Variants in GRIK1 observed in about 807,000 individuals in gnomAD.
The protein encoded by GRIK1 is glutamate receptor ionotropic, kainate 1.
Under a neutral mutation model 105.7 loss-of-function variants are expected in GRIK1, and 69 were observed. That is an observed-to-expected ratio of 0.65 (90% CI 0.54 to 0.80). The LOEUF (loss-of-function observed/expected upper bound fraction) is 0.80, where lower values mean the gene tolerates loss of function less well. Among genes scored for constraint, GRIK1 ranks in the 30% least tolerant of loss-of-function variants. The pLI is 0.00. For synonymous variants in GRIK1, 438 were observed against 431.3 expected (o/e 1.02, Z -0.19); for missense variants, 1,109 against 1,167.3 (o/e 0.95, Z 0.73).
intron 14 of GRIK1, among the ~76,000 whole-genome samples, chr21:29,575,935 G>C (rs1163819809): frequency 6.6e-6 from 1 of 152,088 alleles, no homozygotes; most frequent in Non-Finnish European, 1.5e-5. Context: ...TCCATTTTTG[G>C]TAATCTGAAT....
chr21:29,643,213 C>T (rs1394802978), intron 6 of GRIK1, among the ~76,000 whole-genome samples: 2 of 152,012 alleles, frequency 1.3e-5, no homozygotes, highest in African/African-American at 4.8e-5. Context: ...ATAAAGCAAC[C>T]CAGATCAGCC....
At chr21:29,771,996 G>A (rs2065825337) in intron 1 of GRIK1, among the ~76,000 whole-genome samples, 1 of 152,310 alleles carries the variant, frequency 6.6e-6, no homozygotes, top group East Asian at 1.9e-4. Flanking sequence ...TCCCCCAGTT[G>A]TTTGAATACC....
intron 12 of GRIK1, among the ~76,000 whole-genome samples, chr21:29,584,238 C>G (rs1326732199): frequency 6.6e-6 from 1 of 152,096 alleles, no homozygotes; most frequent in Non-Finnish European, 1.5e-5. Flanking sequence ...GGAGAATGCT[C>G]TATTGAACTT....
chr21:29,836,742 A>C (rs2067818542), intron 1 of GRIK1, among the ~76,000 whole-genome samples: 2 of 152,248 alleles, frequency 1.3e-5, no homozygotes, highest in Admixed American at 1.3e-4. Context: ...GACAAATATT[A>C]CATTAAATTC....
chr21:29,579,983 G>GTATA (rs1374699083), intron 13 of GRIK1, among the ~76,000 whole-genome samples: 1 of 137,382 alleles, frequency 7.3e-6, no homozygotes, highest in African/African-American at 2.8e-5. Flanking sequence ...ATATATATAT[G>GTATA]TGTGTATATA....
In GRIK1 at chr21:29,930,479, T is replaced by A. The variant is rs151281528; in HGVS notation, c.118+8904A>T. 2.7e-3 allele frequency among the ~76,000 whole-genome samples: 418 copies of A among 152,336 alleles called. 4 individuals carry two copies. The highest frequency in any genetic ancestry group is 9.8e-3 in the African/African-American group (407 of 41,584). On this transcript the variant is annotated intron_variant, in intron 1 of 17. Coordinates refer to ENST00000327783, the MANE Select transcript of GRIK1 (RefSeq NM_001330994.2). Reference sequence around the variant, plus strand: ...CCCAATCTGCATTATGAAGTGTTTTTTTCCCCCTCTGGGAATTAAGTATTG... The same window carrying A: ...CCCAATCTGCATTATGAAGTGTTTTATTCCCCCTCTGGGAATTAAGTATTG...
chr21:29,835,889 A>C (rs758652160), intron 1 of GRIK1, among the ~76,000 whole-genome samples: 1 of 152,200 alleles, frequency 6.6e-6, no homozygotes, highest in South Asian at 2.1e-4. Flanking sequence ...TGATTAGATA[A>C]TTCCGGCTTA....
intron 1 of GRIK1, among the ~76,000 whole-genome samples, chr21:29,723,180 A>G (rs2064364886): frequency 1.3e-5 from 2 of 152,352 alleles, no homozygotes; most frequent in South Asian, 4.1e-4. Context: ...GCTAAAATTT[A>G]TAGTTTGGAA....
At chr21:29,810,116 G>A (rs941045415) in intron 1 of GRIK1, among the ~76,000 whole-genome samples, 1 of 151,986 alleles carries the variant, frequency 6.6e-6, no homozygotes, top group Non-Finnish European at 1.5e-5. Context: ...TTGCCAACAT[G>A]GTGAAACCCC....
intron 1 of GRIK1, among the ~76,000 whole-genome samples, chr21:29,887,640 C>T (rs2146205940): frequency 6.6e-6 from 1 of 152,238 alleles, no homozygotes; most frequent in East Asian, 1.9e-4. Flanking sequence ...TAAGGGGTTG[C>T]TTGCTTGGGT....
intron 1 of GRIK1, among the ~76,000 whole-genome samples, chr21:29,759,642 A>T (rs1427623958): frequency 6.6e-6 from 1 of 152,230 alleles, no homozygotes; most frequent in Non-Finnish European, 1.5e-5. Context: ...GGGAGAACAG[A>T]AGTCAGAAAC....
chr21:29,684,765 C>G (rs1215099313), intron 3 of GRIK1, among the ~76,000 whole-genome samples: 1 of 152,102 alleles, frequency 6.6e-6, no homozygotes, highest in Non-Finnish European at 1.5e-5. Context: ...CTGCCTTGGC[C>G]TTCCAAAGTG....
At chr21:29,651,722 T>G (rs1412679884) in intron 5 of GRIK1, among the ~76,000 whole-genome samples, 2 of 152,082 alleles carry the variant, frequency 1.3e-5, no homozygotes, top group African/African-American at 4.8e-5. Flanking sequence ...GTATTGTGCC[T>G]AATTTATCAA....
intron 7 of GRIK1, among the ~76,000 whole-genome samples, chr21:29,606,700 A>G (rs949775049): frequency 6.6e-6 from 1 of 151,706 alleles, no homozygotes; most frequent in Non-Finnish European, 1.5e-5. Context: ...CAAAACAAAA[A>G]AAACAAAAAA....
intron 1 of GRIK1, among the ~76,000 whole-genome samples, chr21:29,849,279 A>C (rs189570022): frequency 1.1e-4 from 17 of 152,348 alleles, no homozygotes; most frequent in African/African-American, 3.8e-4. Flanking sequence ...TGAGATTAAT[A>C]AATGTTTGCT....
chr21:29,560,278 G>GTTT (rs200019884), intron 15 of GRIK1, among the ~76,000 whole-genome samples: 3 of 124,500 alleles, frequency 2.4e-5, no homozygotes, highest in African/African-American at 9.0e-5. Context: ...ATATGATACA[G>GTTT]TTTTCTTTCT....
chr21:29,664,369 C>G (rs2146611497), intron 4 of GRIK1, among the ~76,000 whole-genome samples: 1 of 152,250 alleles, frequency 6.6e-6, no homozygotes, highest in African/African-American at 2.4e-5. Context: ...ATGATAATCT[C>G]TAAGTGGAAT....
rs147628012 is a variant in GRIK1, at chr21:29,716,136, C to T, written c.119-22073G>A. On this transcript the variant is annotated intron_variant, in intron 1 of 17. Coordinates refer to ENST00000327783, the MANE Select transcript of GRIK1 (RefSeq NM_001330994.2). ...TGTGAAGAAGGACATGTTTGCTTCC[C>T]CTTCCACCATGATTGTAAGTTTCCT... Among the ~76,000 whole-genome samples, 1,093 of 152,212 alleles carry T rather than the reference C, an allele frequency of 7.2e-3. 16 individuals are homozygous for T. The highest frequency in any genetic ancestry group is 0.025 in the African/African-American group (1,038 of 41,516).
intron 1 of GRIK1, among the ~76,000 whole-genome samples, chr21:29,867,936 A>AAGAG (rs779607832): frequency 9.0e-6 from 1 of 110,650 alleles, no homozygotes; most frequent in Non-Finnish European, 1.9e-5. Flanking sequence ...AAGAGAGAGA[A>AAGAG]AGAGAGAGAG....
Sources: gnomAD v4.1 joint callset for allele counts (sites outside exome capture counted in the v4.1 genomes callset) on GRCh38, gnomAD v4.1.1 for gene constraint, MANE v1.5 for transcripts, NCBI Gene and HGNC (gene_info 2026-07-23, HGNC 2026-07-21) for gene names.